COL23A1: variants seen among roughly 807,000 people sequenced by gnomAD.
COL23A1 encodes collagen type XXIII alpha 1 chain, also known as collagen alpha-1(XXIII) chain.
Under a neutral mutation model 99.3 loss-of-function variants are expected in COL23A1, and 97 were observed. That is an observed-to-expected ratio of 0.98 (90% CI 0.83 to 1.16). COL23A1 has a LOEUF of 1.16. Ranked by LOEUF, COL23A1 falls within the 50% of genes most tolerant of loss-of-function variation. The pLI is 0.00. For missense variants in COL23A1, 762 were observed against 757.4 expected (o/e 1.01, Z -0.07); for synonymous variants, 320 against 308.2 (o/e 1.04, Z -0.40).
At chr5:178,586,980 G>T (rs1764037245) in intron 1 of COL23A1, among the ~76,000 whole-genome samples, 1 of 152,304 alleles carries the variant, frequency 6.6e-6, no homozygotes, top group South Asian at 2.1e-4. Flanking sequence ...ACAATGGAAG[G>T]CCAACAGCCA....
At chr5:178,536,184 G>A (rs998805350) in intron 2 of COL23A1, among the ~76,000 whole-genome samples, 5 of 152,244 alleles carry the variant, frequency 3.3e-5, no homozygotes, top group East Asian at 1.9e-4. Context: ...CAAGGTTGTC[G>A]TCACCCTCGG....
At chr5:178,262,506 G>A (rs1320735576) in intron 9 of COL23A1, among the ~76,000 whole-genome samples, 1 of 152,178 alleles carries the variant, frequency 6.6e-6, no homozygotes, top group East Asian at 1.9e-4. Flanking sequence ...CAGCAGTTTG[G>A]TGGGGATCCA....
chr5:178,237,667 A>G lies in COL23A1; in HGVS notation c.*1031T>C, dbSNP rs1764189778. The G allele has an allele frequency of 3.3e-5, 5 of 152,714 alleles. No individual in the cohort carries two copies. The highest frequency in any genetic ancestry group is 3.3e-4 in the Admixed American group (5 of 15,288). 9.5% of individuals were successfully genotyped at this position (152,714 alleles called of 1,614,324 possible). On this transcript the variant is annotated 3_prime_UTR_variant, in exon 29 of 29. Transcript: ENST00000390654. ...CACAGTGATCTCCATCTACACGGAA[A>G]TGGAAGGCAAGCAGCCAGGATGGAG...
intron 1 of COL23A1, among the ~76,000 whole-genome samples, chr5:178,587,138 T>C (rs1764046303): frequency 1.3e-5 from 2 of 152,176 alleles, no homozygotes; most frequent in African/African-American, 4.8e-5. Flanking sequence ...AGGTATAAGA[T>C]GGGGGGATTG....
chr5:178,269,629 T>TCCATCCAC (rs1315387820), intron 6 of COL23A1, among the ~76,000 whole-genome samples: 10 of 132,134 alleles, frequency 7.6e-5, no homozygotes, highest in East Asian at 2.4e-4. Flanking sequence ...CATCCATTCA[T>TCCATCCAC]CCACCCATCC....
chr5:178,254,995 T>C lies in COL23A1; in HGVS notation c.914A>G (p.Asp305Gly). Residue 305 changes from aspartate to glycine, a missense_variant, in exon 16 of 29, where the codon GAC (aspartate) becomes GGC (glycine). By Grantham distance (94) the Asp-to-Gly change is moderately conservative. Transcript: ENST00000390654. ...GAPGLKGEQG[D>G]TVVIDYDGRI... ...GCCATCATAGTCGATCACCACTGTG[T>C]CTCCCTGCTCGCCCTTGAGGCCTGG... The C allele has an allele frequency of 6.2e-7, 1 of 1,613,160 alleles. No homozygotes were observed. Among genetic ancestry groups the C allele is most frequent in the Non-Finnish European group, 8.5e-7 (1 of 1,179,668 alleles).
At chr5:178,402,224 C>T (rs990470005) in intron 2 of COL23A1, among the ~76,000 whole-genome samples, 3 of 152,138 alleles carry the variant, frequency 2.0e-5, no homozygotes, top group Admixed American at 6.5e-5. Context: ...GGCGTGGTGG[C>T]TCACATCTAT....
chr5:178,294,025 G>A (rs966868836), intron 3 of COL23A1, among the ~76,000 whole-genome samples: 24 of 152,016 alleles, frequency 1.6e-4, no homozygotes, highest in African/African-American at 5.3e-4. Flanking sequence ...GGCTGGAACC[G>A]ACTAGCAATG....
At chr5:178,498,205 A>AAC (rs1758295974) in intron 2 of COL23A1, among the ~76,000 whole-genome samples, 1 of 34,708 alleles carries the variant, frequency 2.9e-5, no homozygotes, top group African/African-American at 1.2e-4. Flanking sequence ...TCTTTATTTA[A>AAC]ATATATATAT....
At chr5:178,477,089 C>T (rs896489688) in intron 2 of COL23A1, among the ~76,000 whole-genome samples, 4 of 152,220 alleles carry the variant, frequency 2.6e-5, no homozygotes, top group African/African-American at 9.7e-5. Flanking sequence ...GGAAGGGGCT[C>T]TGTAAGCAAT....
At chr5:178,369,388 T>A (rs542925804) in intron 2 of COL23A1, among the ~76,000 whole-genome samples, 86 of 152,320 alleles carry the variant, frequency 5.6e-4, no homozygotes, top group African/African-American at 2.0e-3. Flanking sequence ...TTCTGGAAAC[T>A]GGAAGAGAAC....
chr5:178,493,695 C>G (rs1239591369), intron 2 of COL23A1, among the ~76,000 whole-genome samples: 2 of 152,210 alleles, frequency 1.3e-5, no homozygotes, highest in East Asian at 3.8e-4. Flanking sequence ...CCCGGGTAGG[C>G]CAGAGGTGGC....
At chr5:178,510,188 G>A (rs1262957113) in intron 2 of COL23A1, among the ~76,000 whole-genome samples, 2 of 152,232 alleles carry the variant, frequency 1.3e-5, no homozygotes, top group African/African-American at 4.8e-5. Flanking sequence ...AATACCCAGT[G>A]CTGGAGAGAT....
intron 2 of COL23A1, among the ~76,000 whole-genome samples, chr5:178,517,565 T>TTTTTTC (rs57447640): frequency 0.19 from 21,277 of 111,978 alleles, 3,524 homozygotes; most frequent in East Asian, 0.57. Flanking sequence ...CAGTTTTTTT[T>TTTTTTC]TTGTTTTTTT....
At chr5:178,382,763 C>T (rs542598090) in intron 2 of COL23A1, among the ~76,000 whole-genome samples, 85 of 152,362 alleles carry the variant, frequency 5.6e-4, no homozygotes, top group African/African-American at 1.9e-3. Flanking sequence ...GGGAGAAGCA[C>T]AGCTCAGGGA....
At chr5:178,567,986 T>C (rs1311298853) in intron 1 of COL23A1, among the ~76,000 whole-genome samples, 1 of 152,224 alleles carries the variant, frequency 6.6e-6, no homozygotes, top group East Asian at 1.9e-4. Context: ...TGGAGAAATC[T>C]GGCAGATTTC....
At chr5:178,349,661 G>A (rs562122362) in intron 2 of COL23A1, among the ~76,000 whole-genome samples, 1 of 152,266 alleles carries the variant, frequency 6.6e-6, no homozygotes, top group African/African-American at 2.4e-5. Context: ...GTCTCCCTTG[G>A]GGGGAGCCCC....
chr5:178,364,212 C>T (rs1357863290), intron 2 of COL23A1, among the ~76,000 whole-genome samples: 2 of 152,214 alleles, frequency 1.3e-5, no homozygotes, highest in African/African-American at 2.4e-5. Context: ...CCCTCCCTCC[C>T]GCCTAAGCCC....
intron 5 of COL23A1, among the ~76,000 whole-genome samples, chr5:178,276,071 GGA>G (rs1280223352): frequency 6.6e-6 from 1 of 152,208 alleles, no homozygotes; most frequent in Admixed American, 6.5e-5. Context: ...GCTACAGAGG[GGA>G]GGTTTCCTGG....
Sources: allele counts gnomAD v4.1 joint callset (sites outside exome capture counted in the v4.1 genomes callset), GRCh38; gene constraint gnomAD v4.1.1; transcripts MANE v1.5; gene names NCBI Gene and HGNC (gene_info 2026-07-23, HGNC 2026-07-21).